The following SYN3 variants were observed in gnomAD, a reference collection of about 807,000 sequenced individuals.
SYN3 encodes synapsin-3.
SYN3 carries 35 observed loss-of-function variants against 65.8 expected under a neutral mutation model. The observed-to-expected ratio is 0.53, with a 90% CI of 0.41 to 0.70. The LOEUF is 0.70. Among genes scored for constraint, SYN3 ranks in the 30% least tolerant of loss-of-function variants. SYN3 has a pLI of 0.00. For missense variants in SYN3, 680 were observed against 749.0 expected (o/e 0.91, Z 1.08); for synonymous variants, 270 against 292.9 (o/e 0.92, Z 0.80).
chr22:32,715,471 A>C (rs1372864659), intron 6 of SYN3, among the ~76,000 whole-genome samples: 3 of 152,218 alleles, frequency 2.0e-5, no homozygotes, highest in Non-Finnish European at 2.9e-5. Context: ...ATTCATCAGC[A>C]TGCTACCATT....
At chr22:32,716,994 G>A (rs1022404386) in intron 6 of SYN3, among the ~76,000 whole-genome samples, 2 of 152,130 alleles carry the variant, frequency 1.3e-5, no homozygotes, top group Non-Finnish European at 2.9e-5. Flanking sequence ...TCTGTACCCA[G>A]TAAATACTAA....
Position 32,736,812 on chromosome 22 carries a change from C to T in SYN3, c.711+128103G>A, listed in dbSNP as rs112221158. On this transcript the variant is annotated intron_variant, in intron 6 of 13. Coordinates refer to ENST00000358763, the MANE Select transcript of SYN3 (RefSeq NM_003490.4). ...TTTGAGAATCTAAGGGCTCAGATTC[C>T]TAGCATATCATGTGACTTCCTTTAA... Among the ~76,000 whole-genome samples the T allele has an allele frequency of 3.5e-3, 530 of 152,212 alleles. 6 individuals carry two copies. Among genetic ancestry groups the T allele is most frequent in the African/African-American group, 0.012 (512 of 41,528 alleles).
intron 6 of SYN3, chr22:32,858,020 G>A (rs901651418): frequency 2.5e-6 from 4 of 1,614,126 alleles, no homozygotes; most frequent in African/African-American, 1.3e-5. Context: ...CCTGTAGGTC[G>A]CGTCTATGAT....
At chr22:32,622,843 AC>A (rs891208190) in intron 6 of SYN3, among the ~76,000 whole-genome samples, 1 of 151,694 alleles carries the variant, frequency 6.6e-6, no homozygotes, top group Admixed American at 6.6e-5. Context: ...CAAGTTAAGG[AC>A]ACAGGATGTT....
chr22:32,795,821 C>G (rs549587924), intron 6 of SYN3, among the ~76,000 whole-genome samples: 2 of 152,268 alleles, frequency 1.3e-5, no homozygotes, highest in East Asian at 3.9e-4. Flanking sequence ...AGGATGCGAT[C>G]AATGGTGTTA....
At chr22:32,902,887 A>T (rs1423564076) in intron 4 of SYN3, among the ~76,000 whole-genome samples, 3 of 151,034 alleles carry the variant, frequency 2.0e-5, no homozygotes, top group Non-Finnish European at 4.4e-5. Flanking sequence ...AAAAAAAAAA[A>T]GTTGGTGGTC....
intron 2 of SYN3, among the ~76,000 whole-genome samples, chr22:32,984,185 A>T (rs1213064222): frequency 7.7e-6 from 1 of 130,362 alleles, no homozygotes; most frequent in East Asian, 2.3e-4. Context: ...AAAAAGAAAA[A>T]GAAAAAGAAA....
chr22:32,715,150 C>G (rs935010958), intron 6 of SYN3, among the ~76,000 whole-genome samples: 1 of 152,146 alleles, frequency 6.6e-6, no homozygotes, highest in Non-Finnish European at 1.5e-5. Flanking sequence ...AAAACAAAGC[C>G]TCAGATATGT....
At chr22:32,638,315 C>T (rs2059848233) in intron 6 of SYN3, among the ~76,000 whole-genome samples, 1 of 152,072 alleles carries the variant, frequency 6.6e-6, no homozygotes, top group Admixed American at 6.6e-5. Context: ...GATTTGTTTC[C>T]TTTTGGATAT....
intron 3 of SYN3, among the ~76,000 whole-genome samples, chr22:32,978,148 A>C (rs1266193691): frequency 1.3e-5 from 2 of 152,196 alleles, no homozygotes; most frequent in African/African-American, 2.4e-5. Flanking sequence ...ATGGGTGGAA[A>C]ACATGAAGTT....
At chr22:32,667,993 A>T (rs1305878600) in intron 6 of SYN3, among the ~76,000 whole-genome samples, 1 of 151,138 alleles carries the variant, frequency 6.6e-6, no homozygotes, top group Non-Finnish European at 1.5e-5. Context: ...ACGGGGTTTC[A>T]CCCTGTTAGC....
At chr22:32,899,597 T>C (rs1209557286) in intron 4 of SYN3, among the ~76,000 whole-genome samples, 2 of 152,194 alleles carry the variant, frequency 1.3e-5, no homozygotes, top group Admixed American at 1.3e-4. Flanking sequence ...TTCATCCACT[T>C]AAAATTTAAT....
chr22:32,771,991 G>T, intron 6 of SYN3, among the ~76,000 whole-genome samples: 1 of 152,154 alleles, frequency 6.6e-6, no homozygotes, highest in South Asian at 2.1e-4. Context: ...GGGAAGGGTG[G>T]TTGTGTGCAT....
At chr22:32,797,118 C>G (rs2046447319) in intron 6 of SYN3, among the ~76,000 whole-genome samples, 1 of 152,172 alleles carries the variant, frequency 6.6e-6, no homozygotes, top group South Asian at 2.1e-4. Context: ...GTGAGACGAC[C>G]GACCAGGACT....
At chr22:32,904,035 T>C (rs929432454) in intron 4 of SYN3, among the ~76,000 whole-genome samples, 1 of 152,218 alleles carries the variant, frequency 6.6e-6, no homozygotes, top group African/African-American at 2.4e-5. Context: ...CAACAGACAT[T>C]ATTTCTCTTA....
chr22:32,574,995 G>A (rs1197284528), intron 7 of SYN3, among the ~76,000 whole-genome samples: 1 of 152,162 alleles, frequency 6.6e-6, no homozygotes, highest in Non-Finnish European at 1.5e-5. Flanking sequence ...CAGGTGTTTA[G>A]GAACAATTTA....
At chr22:32,986,149 C>G (rs544581025) in intron 2 of SYN3, among the ~76,000 whole-genome samples, 1 of 152,068 alleles carries the variant, frequency 6.6e-6, no homozygotes, top group East Asian at 1.9e-4. Flanking sequence ...AACAAATGTT[C>G]GCTGACCGGG....
At chr22:32,691,627 T>G (rs1185339143) in intron 6 of SYN3, among the ~76,000 whole-genome samples, 4 of 151,932 alleles carry the variant, frequency 2.6e-5, no homozygotes, top group Non-Finnish European at 5.9e-5. Context: ...CAGGGGGTAC[T>G]CCAGATCAGA....
At chr22:32,980,515 T>A in intron 3 of SYN3, 130 bp downstream of exon 3, 1 of 826,744 alleles carries the variant, frequency 1.2e-6, no homozygotes. Context: ...CTCCCAAGTA[T>A]AAGCTTGGAC....
Sources: gnomAD v4.1 joint callset for allele counts (sites outside exome capture counted in the v4.1 genomes callset) on GRCh38, gnomAD v4.1.1 for gene constraint, MANE v1.5 for transcripts, NCBI Gene and HGNC (gene_info 2026-07-23, HGNC 2026-07-21) for gene names.